The following ASIP variants were observed in gnomAD, a reference collection of about 807,000 sequenced individuals.
ASIP encodes the protein agouti signaling protein, also known as agouti-signaling protein.
ASIP carries 11 observed loss-of-function variants against 10.3 expected under a neutral mutation model. That is an observed-to-expected ratio of 1.07 (90% confidence interval 0.68 to 1.78). ASIP has a LOEUF of 1.78. Among genes scored for constraint, ASIP ranks in the 40% most tolerant of loss-of-function variants. The probability of loss-of-function intolerance (pLI) is 0.00; values close to 1 mark genes in which losing one functional copy is unlikely to be tolerated. For synonymous variants in ASIP, 70 were observed against 70.8 expected, an observed-to-expected ratio of 0.99 and a Z score of 0.06; for missense variants, 180 against 169.2, an observed-to-expected ratio of 1.06 and a Z score of -0.35.
intron 2 of ASIP, 56 bp from the exon 3 acceptor site, chr20:34,262,776 T>C (rs972744141): frequency 1.7e-5 from 28 of 1,602,600 alleles, no homozygotes; most frequent in Non-Finnish European, 2.4e-5. Flanking sequence ...CTCACTTCAC[T>C]GCAGCTCAAC....
At chr20:34,215,011 T>C in intron 1 of ASIP, 1 of 1,443,732 alleles carries the variant, frequency 6.9e-7, no homozygotes, top group Admixed American at 1.7e-5. Context: ...CAACATCTTC[T>C]TCCTGGTCAA....
At chr20:34,246,492 T>C in intron 1 of ASIP, 1 of 1,373,480 alleles carries the variant, frequency 7.3e-7, no homozygotes, top group Non-Finnish European at 1.0e-6. Context: ...GCACTGTTCC[T>C]TGGGTCTCCT....
At chr20:34,267,507 T>G (rs2035807661) in intron 3 of ASIP, among the ~76,000 whole-genome samples, 1 of 148,500 alleles carries the variant, frequency 6.7e-6, no homozygotes, top group South Asian at 2.2e-4. Flanking sequence ...AGCTACATAA[T>G]TTTAAATTTG....
intron 1 of ASIP, among the ~76,000 whole-genome samples, chr20:34,224,113 C>T (rs1448635094): frequency 7.0e-6 from 1 of 142,496 alleles, no homozygotes; most frequent in African/African-American, 2.6e-5. Flanking sequence ...CCTAGGAAAA[C>T]CAGAGACCTT....
intron 1 of ASIP, among the ~76,000 whole-genome samples, chr20:34,247,944 G>A (rs2035408377): frequency 6.6e-6 from 1 of 152,182 alleles, no homozygotes; most frequent in African/African-American, 2.4e-5. Context: ...AGTGGCACAT[G>A]CGTGTAATCC....
intron 1 of ASIP, among the ~76,000 whole-genome samples, chr20:34,203,790 C>T (rs1044948598): frequency 6.6e-6 from 1 of 150,932 alleles, no homozygotes; most frequent in African/African-American, 2.4e-5. Flanking sequence ...ATGGCACGAT[C>T]CTGCCTCACT....
At chr20:34,237,437 A>T (rs543099322), upstream of ASIP, among the ~76,000 whole-genome samples, 2 of 152,224 alleles carry the variant, frequency 1.3e-5, no homozygotes, top group East Asian at 3.9e-4. Context: ...AGATTGAATC[A>T]TTTTCTTAAT....
chr20:34,245,223 A>G (rs1263765011), intron 1 of ASIP, among the ~76,000 whole-genome samples: 1 of 150,122 alleles, frequency 6.7e-6, no homozygotes, highest in East Asian at 2.0e-4. Context: ...AATCCCAGCT[A>G]CTCAGGAGAC....
rs374615975 is a variant in ASIP, at chr20:34,261,244, T to C, written c.160+710T>C. Among the ~76,000 whole-genome samples, 185 of 152,270 alleles carry C rather than the reference T, an allele frequency of 1.2e-3. 10 individuals are homozygous for C. The South Asian group carries it at 0.037, about 30-fold the overall frequency. On this transcript the variant is annotated intron_variant, in intron 2 of 3. Transcript: ENST00000374954. ...TGGGTGAGGTGGCTCACACCTGTAA[T>C]CCCAGCACTTTGGGAAGCTGGAGGC...
chr20:34,227,846 C>G (rs986647865), intron 1 of ASIP, among the ~76,000 whole-genome samples: 4 of 152,156 alleles, frequency 2.6e-5, no homozygotes, highest in Admixed American at 1.3e-4. Flanking sequence ...AGTTTGAAGA[C>G]TTCACTCTCC....
chr20:34,217,381 T>A (rs957459260), intron 1 of ASIP, among the ~76,000 whole-genome samples: 5 of 150,864 alleles, frequency 3.3e-5, no homozygotes, highest in African/African-American at 1.2e-4. Flanking sequence ...CAGGTTGCAG[T>A]GAGCCGACAT....
At chr20:34,235,617 T>C (rs912106847) in intron 1 of ASIP, among the ~76,000 whole-genome samples, 7 of 151,652 alleles carry the variant, frequency 4.6e-5, no homozygotes, top group African/African-American at 1.7e-4. Context: ...AGTTTGTTTG[T>C]GATGTTGAAA....
chr20:34,200,771 G>A (rs1216523707), intron 1 of ASIP, among the ~76,000 whole-genome samples: 2 of 152,126 alleles, frequency 1.3e-5, no homozygotes, highest in Non-Finnish European at 2.9e-5. Flanking sequence ...TGCCCTTAAG[G>A]TTTAAATTAC....
chr20:34,206,566 TTTTTTGTTTTTG>T (rs753525643), intron 1 of ASIP, among the ~76,000 whole-genome samples: 6 of 152,148 alleles, frequency 3.9e-5, no homozygotes, highest in African/African-American at 1.4e-4. Context: ...CATATACCAC[TTTTTTGTTTTTG>T]TTTTTGTTTT....
intron 3 of ASIP, among the ~76,000 whole-genome samples, chr20:34,267,735 C>G (rs1057354069): frequency 2.6e-5 from 4 of 151,656 alleles, no homozygotes; most frequent in Non-Finnish European, 5.9e-5. Flanking sequence ...TTCTCCATGT[C>G]GGTCGGGCTG....
intron 1 of ASIP, among the ~76,000 whole-genome samples, chr20:34,241,967 C>T (rs774752604): frequency 1.3e-5 from 2 of 152,096 alleles, no homozygotes; most frequent in Non-Finnish European, 2.9e-5. Flanking sequence ...CCATTTATTG[C>T]AGACTCTCCT....
intron 1 of ASIP, chr20:34,213,479 C>A: frequency 7.5e-7 from 1 of 1,327,094 alleles, no homozygotes; most frequent in Non-Finnish European, 1.0e-6. Flanking sequence ...TTGAAGTGAA[C>A]ACTGAAAAAG....
chr20:34,195,931 T>C (rs2034852608), intron 1 of ASIP, among the ~76,000 whole-genome samples: 1 of 152,104 alleles, frequency 6.6e-6, no homozygotes, highest in South Asian at 2.1e-4. Flanking sequence ...GAAGGCAGTC[T>C]GGGAAAGGGC....
upstream of ASIP, among the ~76,000 whole-genome samples, chr20:34,189,626 G>T (rs145273834): frequency 1.3e-5 from 2 of 152,310 alleles, no homozygotes; most frequent in African/African-American, 4.8e-5. Flanking sequence ...GTGAATAGGT[G>T]CACAATAACA....
Sources: allele counts gnomAD v4.1 joint callset (sites outside exome capture counted in the v4.1 genomes callset), GRCh38; gene constraint gnomAD v4.1.1; transcripts MANE v1.5; gene names NCBI Gene and HGNC (gene_info 2026-07-23, HGNC 2026-07-21).